Variants in AUTS2 observed in about 807,000 individuals in gnomAD.
AUTS2 encodes activator of transcription and developmental regulator AUTS2, also known as autism susceptibility gene 2 protein.
AUTS2 carries 17 observed loss-of-function variants against 112.4 expected under a neutral mutation model. That is an observed-to-expected ratio of 0.15 (90% CI 0.10 to 0.23). AUTS2 has a LOEUF of 0.23. Ranked by LOEUF, AUTS2 falls within the 10% of genes least tolerant of loss-of-function variation. AUTS2 has a pLI of 1.00. For missense variants in AUTS2, 1,510 were observed against 1,701.6 expected (o/e 0.89, Z 1.98); for synonymous variants, 751 against 702.7 (o/e 1.07, Z -1.09).
chr7:70,010,818 A>G (rs1344617806), intron 2 of AUTS2, among the ~76,000 whole-genome samples: 1 of 152,200 alleles, frequency 6.6e-6, no homozygotes, highest in African/African-American at 2.4e-5. Flanking sequence ...TCCATTCTAC[A>G]GTGCTCACCA....
intron 5 of AUTS2, among the ~76,000 whole-genome samples, chr7:70,667,553 A>T (rs1034142941): frequency 2.0e-5 from 3 of 152,162 alleles, no homozygotes; most frequent in African/African-American, 7.2e-5. Context: ...CCAGGCACAC[A>T]CTTGCGTTTA....
chr7:69,740,467 C>A (rs1192194063), intron 1 of AUTS2, among the ~76,000 whole-genome samples: 1 of 151,938 alleles, frequency 6.6e-6, no homozygotes, highest in Non-Finnish European at 1.5e-5. Context: ...AAGGAAGACA[C>A]AATTGTGAAA....
chr7:70,411,759 T>G (rs1794786184), intron 4 of AUTS2, among the ~76,000 whole-genome samples: 1 of 151,996 alleles, frequency 6.6e-6, no homozygotes, highest in Non-Finnish European at 1.5e-5. Flanking sequence ...TCACAGACCA[T>G]AGGGGAATAT....
chr7:69,889,604 G>A (rs1416073273), intron 1 of AUTS2, among the ~76,000 whole-genome samples: 1 of 152,122 alleles, frequency 6.6e-6, no homozygotes, highest in Non-Finnish European at 1.5e-5. Context: ...TTGGCTATTT[G>A]TATGTCTTCT....
intron 2 of AUTS2, among the ~76,000 whole-genome samples, chr7:70,082,967 A>G (rs1276614192): frequency 6.6e-6 from 1 of 152,192 alleles, no homozygotes; most frequent in Non-Finnish European, 1.5e-5. Flanking sequence ...TTAGTAAACA[A>G]AGCAGGAATA....
At chr7:70,562,366 C>T (rs1476931978) in intron 5 of AUTS2, among the ~76,000 whole-genome samples, 2 of 152,200 alleles carry the variant, frequency 1.3e-5, no homozygotes, top group African/African-American at 4.8e-5. Flanking sequence ...TGAAGGATGA[C>T]AAGCTGCCAG....
At chr7:69,933,468 C>G (rs549309823) in intron 2 of AUTS2, among the ~76,000 whole-genome samples, 1 of 152,174 alleles carries the variant, frequency 6.6e-6, no homozygotes, top group Non-Finnish European at 1.5e-5. Context: ...TAATCCTTTT[C>G]AGGACTTCGG....
chr7:69,973,871 C>A (rs1174498588), intron 2 of AUTS2, among the ~76,000 whole-genome samples: 2 of 151,890 alleles, frequency 1.3e-5, no homozygotes, highest in Admixed American at 1.3e-4. Flanking sequence ...TCTGTACTTA[C>A]GAGAAATACT....
intron 6 of AUTS2, among the ~76,000 whole-genome samples, chr7:70,716,926 A>G (rs1810406721): frequency 6.6e-6 from 1 of 152,078 alleles, no homozygotes; most frequent in African/African-American, 2.4e-5. Flanking sequence ...ATCAATAAAC[A>G]TCAAACTGGA....
At chr7:70,319,533 G>A (rs1445537181) in intron 4 of AUTS2, among the ~76,000 whole-genome samples, 1 of 152,162 alleles carries the variant, frequency 6.6e-6, no homozygotes, top group Non-Finnish European at 1.5e-5. Context: ...GAGCAGTAAT[G>A]GCAGTCAGGA....
intron 1 of AUTS2, among the ~76,000 whole-genome samples, chr7:69,783,088 C>CTTTT (rs398047755): frequency 1.6e-4 from 14 of 85,114 alleles, no homozygotes; most frequent in Non-Finnish European, 1.9e-4. Flanking sequence ...TGCTGCTCAT[C>CTTTT]TTTTTTTTTT....
chr7:69,815,911 G>A (rs748039635), intron 1 of AUTS2, among the ~76,000 whole-genome samples: 2 of 152,150 alleles, frequency 1.3e-5, no homozygotes, highest in African/African-American at 2.4e-5. Flanking sequence ...ACTACTTCAC[G>A]CTGTTTACTC....
intron 5 of AUTS2, among the ~76,000 whole-genome samples, chr7:70,444,767 C>T (rs928668879): frequency 5.9e-5 from 9 of 152,098 alleles, no homozygotes; most frequent in Admixed American, 2.0e-4. Context: ...TGTTCTAAAC[C>T]AGGCTTGACT....
intron 4 of AUTS2, among the ~76,000 whole-genome samples, chr7:70,236,226 T>C (rs1052688922): frequency 6.6e-6 from 1 of 152,212 alleles, no homozygotes; most frequent in African/African-American, 2.4e-5. Flanking sequence ...TAGAAAATTT[T>C]AAAACATGGG....
chr7:69,779,743 G>A (rs1391508564), intron 1 of AUTS2, among the ~76,000 whole-genome samples: 1 of 130,506 alleles, frequency 7.7e-6, no homozygotes, highest in Non-Finnish European at 1.6e-5. Context: ...CAGCCTGGGT[G>A]ACAGAACGAG....
At chr7:70,621,669 A>G (rs1351209069) in intron 5 of AUTS2, among the ~76,000 whole-genome samples, 1 of 152,030 alleles carries the variant, frequency 6.6e-6, no homozygotes, top group Non-Finnish European at 1.5e-5. Context: ...ATTCAGCTCC[A>G]CTTATTTTTA....
At chr7:69,714,247 A>ATGTGTGTG (rs1438776720) in intron 1 of AUTS2, among the ~76,000 whole-genome samples, 39 of 42,336 alleles carry the variant, frequency 9.2e-4, no homozygotes, top group East Asian at 5.8e-3. Context: ...ATGTGTGTGT[A>ATGTGTGTG]TATGTGTGTG....
At chr7:70,488,990 A>G (rs1417269876) in intron 5 of AUTS2, among the ~76,000 whole-genome samples, 37 of 152,146 alleles carry the variant, frequency 2.4e-4, no homozygotes, top group Non-Finnish European at 1.5e-5. Context: ...TTAGCTCCCT[A>G]ATGGGATGAT....
chr7:70,510,583 C>A (rs1457010295), intron 5 of AUTS2, among the ~76,000 whole-genome samples: 1 of 152,184 alleles, frequency 6.6e-6, no homozygotes, highest in Non-Finnish European at 1.5e-5. Flanking sequence ...TACTATCATT[C>A]TCTCACAAAT....
Sources: allele counts gnomAD v4.1 joint callset (sites outside exome capture counted in the v4.1 genomes callset), GRCh38; gene constraint gnomAD v4.1.1; transcripts MANE v1.5; gene names NCBI Gene and HGNC (gene_info 2026-07-23, HGNC 2026-07-21).